Variants in TENM2 observed in about 807,000 individuals in gnomAD.
The protein encoded by TENM2 is teneurin-2.
TENM2 carries 52 observed loss-of-function variants against 245.2 expected under a neutral mutation model. That is an observed-to-expected ratio of 0.21 (90% confidence interval 0.17 to 0.27). The LOEUF (loss-of-function observed/expected upper bound fraction) is 0.27. Among genes scored for constraint, TENM2 ranks in the 10% least tolerant of loss-of-function variants. TENM2 has a pLI of 1.00. For synonymous variants in TENM2, 1,363 were observed against 1,438.9 expected, an observed-to-expected ratio of 0.95 and a Z score of 1.19; for missense variants, 3,046 against 3,666.8, an observed-to-expected ratio of 0.83 and a Z score of 4.37.
the TENM2 span, among the ~76,000 whole-genome samples, chr5:167,045,762 C>T: frequency 0.6 from 90,997 of 151,752 alleles, 29,545 homozygotes; most frequent in African/African-American, 0.86. Context: ...TAAGATGGGC[C>T]TGCCCATCCT....
intron 2 of TENM2, among the ~76,000 whole-genome samples, chr5:167,827,629 G>GGC (rs1554126461): frequency 1.3e-3 from 4 of 3,130 alleles, no homozygotes; most frequent in East Asian, 4.4e-3. Context: ...CTAGGTGGGC[G>GGC]GGGGGGGGGG....
At position 168,018,932 on chromosome 5, in the gene TENM2, C is replaced by T. The variant is rs76738487; in HGVS notation, c.1186+25750C>T. Among the ~76,000 whole-genome samples, 1,332 of 152,204 alleles carry T rather than the reference C, an allele frequency of 8.8e-3. 23 individuals carry two copies. The highest frequency in any genetic ancestry group is 0.041 in the Middle Eastern group (12 of 294). ...CACTTATAACACAAGACCAAGGAGA[C>T]CACGCCTGTGCTAGCATGGAAGTGA... On this transcript the variant is annotated intron_variant, in intron 5 of 28. Coordinates refer to ENST00000518659, the Ensembl canonical transcript of TENM2.
chr5:168,238,086 A>C (rs547654819), intron 25 of TENM2, among the ~76,000 whole-genome samples: 2 of 147,280 alleles, frequency 1.4e-5, no homozygotes, highest in East Asian at 4.0e-4. Context: ...TGGAGCTTGC[A>C]GTGAGCCCAG....
At chr5:167,602,601 A>G (rs1488429168) in intron 2 of TENM2, among the ~76,000 whole-genome samples, 1 of 152,216 alleles carries the variant, frequency 6.6e-6, no homozygotes, top group Non-Finnish European at 1.5e-5. Context: ...GTCCATTGAA[A>G]AAGAAACTAC....
chr5:167,801,107 AAAATATATAT>A lies in TENM2; in HGVS notation c.503-74877_503-74868del, dbSNP rs1429329167. 4.4e-4 allele frequency among the ~76,000 whole-genome samples: 28 copies of A among 63,744 alleles called. No homozygotes were observed. In the South Asian group the frequency reaches 5.6e-3, roughly 13 times the overall value. The allele number at this position is 63,744 out of a possible 152,430, so 41.8% of individuals were successfully genotyped here. A position where few individuals can be genotyped will look rare whatever the true frequency, so the allele number is the denominator to read the frequency against. On this transcript the variant is annotated intron_variant, in intron 2 of 28. Coordinates refer to ENST00000518659, the Ensembl canonical transcript of TENM2. ...ATGTATTTGAAAAGAAAAAAAAAAA[AAAATATATAT>A]ATATATATATATATATATATATATA...
At chr5:167,348,035 CAAGGG>C in intron 1 of TENM2, among the ~76,000 whole-genome samples, 1 of 152,172 alleles carries the variant, frequency 6.6e-6, no homozygotes, top group Non-Finnish European at 1.5e-5. Flanking sequence ...TGCCAGCAGG[CAAGGG>C]AATGTTCCCA....
chr5:167,093,151 A>G, the TENM2 span, among the ~76,000 whole-genome samples: 13 of 142,414 alleles, frequency 9.1e-5, no homozygotes, highest in Admixed American at 3.4e-4. Context: ...TTGGGGGAGG[A>G]AAAAAAAAAG....
intron 3 of TENM2, among the ~76,000 whole-genome samples, chr5:167,909,437 AT>A (rs1776375098): frequency 6.6e-6 from 1 of 152,180 alleles, no homozygotes; most frequent in South Asian, 2.1e-4. Context: ...AATAATAATA[AT>A]TTTATTGAAA....
intron 2 of TENM2, among the ~76,000 whole-genome samples, chr5:167,736,543 G>A (rs898903461): frequency 2.6e-5 from 4 of 152,042 alleles, no homozygotes; most frequent in Non-Finnish European, 5.9e-5. Context: ...ACTTCTTTGG[G>A]TTAAGGTATT....
chr5:167,396,275 G>T (rs1182567502), intron 2 of TENM2, among the ~76,000 whole-genome samples: 1 of 152,090 alleles, frequency 6.6e-6, no homozygotes, highest in Non-Finnish European at 1.5e-5. Context: ...ATATTATTCA[G>T]CCATAAAAAT....
At chr5:167,606,121 C>T (rs140307691) in intron 2 of TENM2, among the ~76,000 whole-genome samples, 293 of 152,356 alleles carry the variant, frequency 1.9e-3, no homozygotes, top group Non-Finnish European at 3.5e-3. Flanking sequence ...TGTTCATCCA[C>T]GCTGCCCTGG....
At chr5:167,982,455 G>A (rs2151971756) in intron 4 of TENM2, among the ~76,000 whole-genome samples, 2 of 152,296 alleles carry the variant, frequency 1.3e-5, no homozygotes, top group South Asian at 4.1e-4. Flanking sequence ...AGAGGTGGAG[G>A]CAATGCAGTA....
At chr5:167,015,547 C>G in the TENM2 span, among the ~76,000 whole-genome samples, 3 of 152,270 alleles carry the variant, frequency 2.0e-5, 1 homozygote, top group South Asian at 4.1e-4. Flanking sequence ...GGGTCATCTT[C>G]TTATTAATGA....
At chr5:167,123,110 C>G in the TENM2 span, among the ~76,000 whole-genome samples, 1 of 142,870 alleles carries the variant, frequency 7.0e-6, no homozygotes, top group Non-Finnish European at 1.5e-5. Flanking sequence ...CCAGCCTGGA[C>G]AACATGGCGA....
At chr5:167,690,508 A>C (rs949742179) in intron 2 of TENM2, among the ~76,000 whole-genome samples, 1 of 152,194 alleles carries the variant, frequency 6.6e-6, no homozygotes, top group African/African-American at 2.4e-5. Flanking sequence ...TCACATCCTG[A>C]AAAGGGCACT....
chr5:167,180,703 A>T, the TENM2 span, among the ~76,000 whole-genome samples: 1 of 152,176 alleles, frequency 6.6e-6, no homozygotes, highest in Non-Finnish European at 1.5e-5. Context: ...GCATTCCTAA[A>T]AAAAGGTAAG....
intron 3 of TENM2, among the ~76,000 whole-genome samples, chr5:167,877,230 AGTATAT>A (rs1276077819): frequency 6.6e-6 from 1 of 152,132 alleles, no homozygotes; most frequent in Non-Finnish European, 1.5e-5. Flanking sequence ...TCCATCCAGG[AGTATAT>A]GCCACCCACC....
chr5:167,305,098 A>G (rs2127742823), intron 1 of TENM2, among the ~76,000 whole-genome samples: 1 of 152,244 alleles, frequency 6.6e-6, no homozygotes, highest in African/African-American at 2.4e-5. Context: ...CCAAAAGGCA[A>G]CCTTTCCCCC....
At chr5:167,478,188 G>T (rs545114935) in intron 2 of TENM2, among the ~76,000 whole-genome samples, 1 of 152,310 alleles carries the variant, frequency 6.6e-6, no homozygotes, top group African/African-American at 2.4e-5. Context: ...TAAAAATACT[G>T]ACTAATACTT....
Sources: allele counts gnomAD v4.1 joint callset (sites outside exome capture counted in the v4.1 genomes callset), GRCh38; gene constraint gnomAD v4.1.1; transcripts MANE v1.5; gene names NCBI Gene and HGNC (gene_info 2026-07-23, HGNC 2026-07-21).